The following KLF15 variants were observed in gnomAD, a reference collection of about 807,000 sequenced individuals.
The protein encoded by KLF15 is Krueppel-like factor 15.
In KLF15, 4 loss-of-function variants were observed where a neutral mutation model predicts 24.6. The ratio of observed to expected loss-of-function variants is 0.16; its 90% CI spans 0.08 to 0.37. The LOEUF is 0.37. Ranked by LOEUF, KLF15 falls within the 10% of genes least tolerant of loss-of-function variation. KLF15 has a pLI of 1.00. For missense variants in KLF15, 496 were observed against 560.6 expected (o/e 0.88, Z 1.16); for synonymous variants, 246 against 236.3 (o/e 1.04, Z -0.37).
At chr3:126,348,795 T>C (rs1445954978) in intron 2 of KLF15, among the ~76,000 whole-genome samples, 1 of 152,108 alleles carries the variant, frequency 6.6e-6, no homozygotes, top group Non-Finnish European at 1.5e-5. Context: ...GTAAGCACAT[T>C]GTGTGGGTCT....
At chr3:126,320,678 C>G in the KLF15 span, among the ~76,000 whole-genome samples, 3 of 152,152 alleles carry the variant, frequency 2.0e-5, no homozygotes, top group Non-Finnish European at 4.4e-5. Context: ...CCCCTGGTGT[C>G]CCCAGACTGC....
rs371674888 is a variant in KLF15 at position 126,352,835 on chromosome 3, G to T, written c.88C>A (p.Arg30=). Residue 30 remains arginine, a synonymous_variant, in exon 2 of 3, where the codon CGG becomes AGG. Transcript: ENST00000296233. Reference sequence around the variant, plus strand: ...GGTGAGGGCAGCATGTGATATGCCCGCCGGCCAACCAGCCTATCACCCAGA... The same window carrying T: ...GGTGAGGGCAGCATGTGATATGCCCTCCGGCCAACCAGCCTATCACCCAGA... ...GYLGDRLVGR[R]AYHMLPSPVS... is the part of the protein sequence containing the mutation. 7.5e-6 allele frequency: 12 copies of T among 1,609,248 alleles called. No homozygotes were observed. In the African/African-American group the frequency reaches 1.6e-4, roughly 22 times the overall value.
chr3:126,296,688 A>G, the KLF15 span, among the ~76,000 whole-genome samples: 1 of 152,178 alleles, frequency 6.6e-6, no homozygotes, highest in Non-Finnish European at 1.5e-5. Flanking sequence ...CTGATTCCTT[A>G]CCTCCAAAGT....
intron 2 of KLF15, among the ~76,000 whole-genome samples, chr3:126,345,553 T>TCACA (rs35986386): frequency 5.9e-4 from 88 of 149,784 alleles, no homozygotes; most frequent in Middle Eastern, 6.8e-3. Flanking sequence ...CCACACATAC[T>TCACA]CACACACACA....
rs996785012 is a variant in KLF15, at chr3:126,356,175, T to C, written c.-26+1062A>G. ...AAATCACGGGGGTGGCGGCGGGGGCTGTCCTTCAAAATAAGAGTCTCCGGT... is the reference window on the plus strand; with the variant it reads ...AAATCACGGGGGTGGCGGCGGGGGCCGTCCTTCAAAATAAGAGTCTCCGGT... On this transcript the variant is annotated intron_variant, in intron 1 of 2. Coordinates refer to ENST00000296233, the MANE Select transcript of KLF15 (RefSeq NM_014079.4). This position sits in a 1 kb window ranked among gnomAD's most constrained non-coding sequence, Gnocchi z 4.4. Among the ~76,000 whole-genome samples, 3 of 151,986 alleles carry C rather than the reference T, an allele frequency of 2.0e-5. No individual in the cohort carries two copies. Among genetic ancestry groups the C allele is most frequent in the Non-Finnish European group, 4.4e-5 (3 of 67,960 alleles).
chr3:126,328,994 A>G, the KLF15 span, among the ~76,000 whole-genome samples: 31 of 152,278 alleles, frequency 2.0e-4, 1 homozygote, highest in African/African-American at 5.8e-4. Flanking sequence ...TCTCATATTT[A>G]TCTTCTAACT....
chr3:126,323,511 A>G, the KLF15 span, among the ~76,000 whole-genome samples: 2 of 137,080 alleles, frequency 1.5e-5, no homozygotes, highest in African/African-American at 5.4e-5. Flanking sequence ...TAACTACTAT[A>G]TAACATATAT....
In KLF15 at chr3:126,352,026, G is replaced by A. The variant is rs1215186018; in HGVS notation, c.897C>T (p.Gly299=). 13 of 1,541,178 alleles carry A rather than the reference G, an allele frequency of 8.4e-6. No individual in the cohort carries two copies. The highest frequency in any genetic ancestry group is 1.4e-5 in the African/African-American group (1 of 73,432). The part of the protein sequence containing the change: ...KPVGSGPLGP[G]PAGLLMGQKF... ...TCTGGCCCATGAGGAGACCGGCAGG[G>A]CCAGGCCCCAGGGGTCCCGATCCAA... Residue 299 remains glycine, a synonymous_variant, in exon 2 of 3, where the codon GGC becomes GGT. Coordinates refer to ENST00000296233, the MANE Select transcript of KLF15 (RefSeq NM_014079.4).
At chr3:126,353,083 A>C in intron 1 of KLF15, 136 bp from the exon 2 acceptor site, 1 of 1,035,428 alleles carries the variant, frequency 9.7e-7, no homozygotes, top group Non-Finnish European at 1.3e-6. Flanking sequence ...TCCATCCCCC[A>C]GGAGAGCTGT....
chr3:126,317,655 T>A, the KLF15 span, among the ~76,000 whole-genome samples: 2 of 152,084 alleles, frequency 1.3e-5, no homozygotes, highest in Non-Finnish European at 2.9e-5. Flanking sequence ...AAGGGAAGAC[T>A]CAGGGGAGAA....
At chr3:126,292,684 G>T in the KLF15 span, among the ~76,000 whole-genome samples, 1 of 152,104 alleles carries the variant, frequency 6.6e-6, no homozygotes, top group Non-Finnish European at 1.5e-5. Context: ...AGCAGCAGTG[G>T]GGGAGGTGTC....
At chr3:126,327,326 G>A in the KLF15 span, among the ~76,000 whole-genome samples, 1 of 152,126 alleles carries the variant, frequency 6.6e-6, no homozygotes, top group African/African-American at 2.4e-5. Context: ...TTTCCTCCGA[G>A]GCAAACAGGG....
the KLF15 span, among the ~76,000 whole-genome samples, chr3:126,329,305 T>A: frequency 6.6e-6 from 1 of 152,178 alleles, no homozygotes; most frequent in African/African-American, 2.4e-5. Flanking sequence ...CTTTATCTGT[T>A]ATAACACCAC....
downstream of KLF15, among the ~76,000 whole-genome samples, chr3:126,339,173 G>T (rs977157481): frequency 7.9e-5 from 12 of 152,190 alleles, no homozygotes; most frequent in Non-Finnish European, 1.6e-4. Flanking sequence ...GCTGTTTGGG[G>T]CACAGAGCAG....
At chr3:126,337,980 G>A (rs909420633), downstream of KLF15, among the ~76,000 whole-genome samples, 1 of 152,198 alleles carries the variant, frequency 6.6e-6, no homozygotes, top group Non-Finnish European at 1.5e-5. Flanking sequence ...TAAATAGGAT[G>A]CCCAGTGTAG....
At chr3:126,314,852 G>A in the KLF15 span, among the ~76,000 whole-genome samples, 2 of 152,202 alleles carry the variant, frequency 1.3e-5, no homozygotes, top group African/African-American at 4.8e-5. Context: ...CAGACAGCCA[G>A]GACCCCAAGG....
the KLF15 span, among the ~76,000 whole-genome samples, chr3:126,313,279 C>T: frequency 2.6e-5 from 4 of 152,184 alleles, no homozygotes; most frequent in East Asian, 1.9e-4. Context: ...ACCCTGCTGA[C>T]GCATTGACCT....
the KLF15 span, among the ~76,000 whole-genome samples, chr3:126,301,497 A>T: frequency 6.6e-6 from 1 of 152,018 alleles, no homozygotes; most frequent in Non-Finnish European, 1.5e-5. Context: ...CTATAGGAAT[A>T]ATAAAACAGG....
chr3:126,295,381 G>C, the KLF15 span, among the ~76,000 whole-genome samples: 2 of 152,168 alleles, frequency 1.3e-5, no homozygotes, highest in Admixed American at 1.3e-4. Flanking sequence ...GGCAACGCTG[G>C]GAACTACATC....
Sources: allele counts gnomAD v4.1 joint callset (sites outside exome capture counted in the v4.1 genomes callset), GRCh38; gene constraint gnomAD v4.1.1; non-coding constraint Gnocchi (gnomAD v3.1); transcripts MANE v1.5; gene names NCBI Gene and HGNC (gene_info 2026-07-23, HGNC 2026-07-21).